Variants in NTM observed in about 807,000 individuals in gnomAD.
NTM encodes neurotrimin.
In NTM, 13 loss-of-function variants were observed where a neutral mutation model predicts 42.1. The observed-to-expected ratio is 0.31, with a 90% confidence interval of 0.20 to 0.49. NTM has a LOEUF of 0.49. NTM is among the 20% of genes least tolerant of loss of function. The probability of loss-of-function intolerance (pLI) is 0.99; values close to 1 mark genes in which losing one functional copy is unlikely to be tolerated. For missense variants in NTM, 373 were observed against 452.8 expected, an observed-to-expected ratio of 0.82 and a Z score of 1.60; for synonymous variants, 187 against 179.2, an observed-to-expected ratio of 1.04 and a Z score of -0.35.
At chr11:132,085,888 T>A (rs572769978) in intron 2 of NTM, among the ~76,000 whole-genome samples, 1 of 152,130 alleles carries the variant, frequency 6.6e-6, no homozygotes, top group African/African-American at 2.4e-5. Context: ...TTGAGAGGGA[T>A]TTATCTGCCT....
chr11:132,210,846 G>C (rs908227938), intron 3 of NTM, among the ~76,000 whole-genome samples: 1 of 152,174 alleles, frequency 6.6e-6, no homozygotes, highest in South Asian at 2.1e-4. Context: ...GCTTCAGAAG[G>C]TTCCAAAATA....
intron 2 of NTM, among the ~76,000 whole-genome samples, chr11:132,009,218 C>A (rs947071746): frequency 6.6e-6 from 1 of 152,184 alleles, no homozygotes; most frequent in African/African-American, 2.4e-5. Flanking sequence ...CTGAAATACG[C>A]CTGTGCCTGC....
intron 2 of NTM, among the ~76,000 whole-genome samples, chr11:132,029,799 G>C (rs966126137): frequency 6.6e-6 from 1 of 152,164 alleles, no homozygotes; most frequent in South Asian, 2.1e-4. Context: ...GGAGGAGGTA[G>C]TCAGAGACGA....
intron 1 of NTM, among the ~76,000 whole-genome samples, chr11:131,385,862 C>T (rs1444122259): frequency 2.0e-5 from 3 of 152,050 alleles, no homozygotes; most frequent in South Asian, 4.2e-4. Context: ...AGTGTCTAAA[C>T]GAAACAAAAT....
chr11:131,978,455 GCAAA>G (rs1277364665), intron 2 of NTM, among the ~76,000 whole-genome samples: 1 of 152,112 alleles, frequency 6.6e-6, no homozygotes, highest in Admixed American at 6.6e-5. Context: ...AGAAATTAAA[GCAAA>G]CAAAGTCAGA....
At chr11:131,371,158 C>T in intron 1 of NTM, 1 of 940,924 alleles carries the variant, frequency 1.1e-6, no homozygotes, top group Non-Finnish European at 1.3e-6. Flanking sequence ...TGCAAGGCTC[C>T]CTGGCTTCAT....
At chr11:132,260,261 T>TG (rs1031828619) in intron 4 of NTM, among the ~76,000 whole-genome samples, 8 of 151,890 alleles carry the variant, frequency 5.3e-5, no homozygotes, top group Non-Finnish European at 4.4e-5. Flanking sequence ...CCAGCCTTTT[T>TG]TTTTTTAAAG....
intron 1 of NTM, among the ~76,000 whole-genome samples, chr11:131,725,557 A>G (rs1303623836): frequency 6.6e-6 from 1 of 152,146 alleles, no homozygotes; most frequent in South Asian, 2.1e-4. Context: ...GGCAGCCCCA[A>G]AAAGGTGTTG....
chr11:132,261,362 G>T (rs1189644344), intron 4 of NTM, among the ~76,000 whole-genome samples: 6 of 152,302 alleles, frequency 3.9e-5, no homozygotes, highest in African/African-American at 9.6e-5. Flanking sequence ...AATCGCTGGG[G>T]CATGTATTGG....
chr11:131,734,966 C>T (rs2080223914), intron 1 of NTM, among the ~76,000 whole-genome samples: 1 of 152,130 alleles, frequency 6.6e-6, no homozygotes, highest in Admixed American at 6.5e-5. Context: ...GCTAACTTCA[C>T]AGTGACAGGT....
chr11:132,041,302 TTTG>T (rs2077170986), intron 2 of NTM, among the ~76,000 whole-genome samples: 1 of 151,776 alleles, frequency 6.6e-6, no homozygotes, highest in African/African-American at 2.4e-5. Flanking sequence ...TTTGTTCCTT[TTTG>T]TTGTTGTTTT....
chr11:131,494,892 C>G (rs1484174388), intron 1 of NTM, among the ~76,000 whole-genome samples: 1 of 152,196 alleles, frequency 6.6e-6, no homozygotes, highest in African/African-American at 2.4e-5. Flanking sequence ...ATCACTTTCT[C>G]TCTCCCTCTC....
intron 4 of NTM, among the ~76,000 whole-genome samples, chr11:132,293,233 A>T (rs2094508856): frequency 6.6e-6 from 1 of 152,212 alleles, no homozygotes; most frequent in Non-Finnish European, 1.5e-5. Context: ...TATTTAGATA[A>T]TATGAGCCTT....
At chr11:132,091,817 A>G (rs544139152) in intron 2 of NTM, among the ~76,000 whole-genome samples, 1 of 152,212 alleles carries the variant, frequency 6.6e-6, no homozygotes, top group Admixed American at 6.5e-5. Context: ...CTTTACCATT[A>G]TCAGTAAGTT....
At chr11:131,627,332 T>C (rs2063220790) in intron 1 of NTM, among the ~76,000 whole-genome samples, 1 of 151,902 alleles carries the variant, frequency 6.6e-6, no homozygotes, top group South Asian at 2.1e-4. Context: ...GTAGAGTGTC[T>C]CTGAGGAAAG....
chr11:131,372,002 C>A (rs1565436239), intron 1 of NTM, among the ~76,000 whole-genome samples: 2 of 152,146 alleles, frequency 1.3e-5, no homozygotes, highest in African/African-American at 2.4e-5. Context: ...CCCACCCCCT[C>A]GCCCTCTTCT....
rs1164800887 is a variant in NTM, at chr11:132,243,866, C to A, written c.526+31719C>A. Reference sequence around the variant, plus strand: ...GCCCACAGAACCCCCAGCCCTGCAGCATGGCCCTGAGCCCTCACAGGCCCA... The same window carrying A: ...GCCCACAGAACCCCCAGCCCTGCAGAATGGCCCTGAGCCCTCACAGGCCCA... On this transcript the variant is annotated intron_variant, in intron 4 of 8. Transcript: ENST00000683400. Among the ~76,000 whole-genome samples, 3 of 152,192 alleles carry A rather than the reference C, an allele frequency of 2.0e-5. No homozygotes were observed. In the East Asian group the frequency reaches 5.8e-4, roughly 29 times the overall value.
At chr11:131,668,357 G>A (rs1253971394) in intron 1 of NTM, among the ~76,000 whole-genome samples, 1 of 151,776 alleles carries the variant, frequency 6.6e-6, no homozygotes, top group Non-Finnish European at 1.5e-5. Context: ...AGTATTCCCA[G>A]GTAGTACTAC....
intron 6 of NTM, among the ~76,000 whole-genome samples, chr11:132,313,771 CAACT>C (rs549035604): frequency 6.6e-5 from 10 of 152,218 alleles, no homozygotes; most frequent in African/African-American, 1.2e-4. Flanking sequence ...TCACTTCCCC[CAACT>C]AACTAACTCC....
Sources: allele counts gnomAD v4.1 joint callset (sites outside exome capture counted in the v4.1 genomes callset), GRCh38; gene constraint gnomAD v4.1.1; transcripts MANE v1.5; gene names NCBI Gene and HGNC (gene_info 2026-07-23, HGNC 2026-07-21).